NRG1: variants seen among roughly 807,000 people sequenced by gnomAD.
NRG1 encodes the protein pro-neuregulin-1, membrane-bound isoform.
Under a neutral mutation model 63.8 loss-of-function variants are expected in NRG1, and 18 were observed. That is an observed-to-expected ratio of 0.28 (90% CI 0.19 to 0.42). The LOEUF (loss-of-function observed/expected upper bound fraction) is 0.42, where lower values mean the gene tolerates loss of function less well. NRG1 is among the 10% of genes least tolerant of loss of function. The pLI is 1.00. For synonymous variants in NRG1, 302 were observed against 301.3 expected (o/e 1.00, Z -0.02); for missense variants, 762 against 814.7 (o/e 0.94, Z 0.79).
At chr8:32,498,585 C>T (rs1827494803) in intron 1 of NRG1, among the ~76,000 whole-genome samples, 1 of 96,216 alleles carries the variant, frequency 1.0e-5, no homozygotes, top group Admixed American at 1.0e-4. Flanking sequence ...AGGGTAACAG[C>T]CCCCATCGTT....
chr8:32,303,380 A>G (rs1343751631), intron 1 of NRG1, among the ~76,000 whole-genome samples: 1 of 152,126 alleles, frequency 6.6e-6, no homozygotes, highest in Non-Finnish European at 1.5e-5. Flanking sequence ...AAAAGAGTGC[A>G]TCTTAAAATG....
intron 5 of NRG1, among the ~76,000 whole-genome samples, chr8:32,725,927 A>C (rs1237079857): frequency 6.6e-6 from 1 of 152,182 alleles, no homozygotes; most frequent in African/African-American, 2.4e-5. Context: ...TTACAGACCA[A>C]ACAATGCAAA....
intron 1 of NRG1, among the ~76,000 whole-genome samples, chr8:32,076,575 G>A (rs1826595476): frequency 6.6e-6 from 1 of 152,116 alleles, no homozygotes. Context: ...TCGGAGGGTG[G>A]AAAGTGGGTG....
chr8:31,863,750 C>T (rs909933004), intron 1 of NRG1, among the ~76,000 whole-genome samples: 6 of 152,190 alleles, frequency 3.9e-5, no homozygotes, highest in African/African-American at 1.2e-4. Flanking sequence ...TTAGCTCTTA[C>T]ATCAAATCTT....
intron 1 of NRG1, among the ~76,000 whole-genome samples, chr8:32,251,727 GT>G (rs1285988771): frequency 6.6e-6 from 1 of 152,102 alleles, no homozygotes; most frequent in African/African-American, 2.4e-5. Flanking sequence ...GTTTCCTGAT[GT>G]TTTAATGATC....
At chr8:32,078,059 A>G (rs908751037) in intron 1 of NRG1, among the ~76,000 whole-genome samples, 2 of 152,208 alleles carry the variant, frequency 1.3e-5, no homozygotes, top group Non-Finnish European at 2.9e-5. Flanking sequence ...CATATGTACA[A>G]GAGAGAAAAA....
intron 5 of NRG1, among the ~76,000 whole-genome samples, chr8:32,653,129 T>TTTTG (rs199864736): frequency 5.8e-4 from 87 of 149,308 alleles, no homozygotes; most frequent in African/African-American, 2.1e-3. Context: ...TTTGGTTTTT[T>TTTTG]TTTGTTTGTT....
intron 2 of NRG1, among the ~76,000 whole-genome samples, chr8:32,605,091 A>C (rs151173867): frequency 5.9e-5 from 9 of 152,316 alleles, no homozygotes; most frequent in African/African-American, 2.2e-4. Flanking sequence ...TCTACTGAGA[A>C]GAAGAGTGCA....
chr8:32,280,381 C>T (rs778919559), intron 1 of NRG1, among the ~76,000 whole-genome samples: 2 of 152,202 alleles, frequency 1.3e-5, no homozygotes, highest in Non-Finnish European at 2.9e-5. Context: ...GTAGGAATTG[C>T]TTTACCTGAT....
chr8:31,941,626 T>C (rs1021156931), intron 1 of NRG1, among the ~76,000 whole-genome samples: 2 of 152,140 alleles, frequency 1.3e-5, no homozygotes, highest in African/African-American at 4.8e-5. Context: ...GATGATATGA[T>C]GGTATACCTA....
intron 3 of NRG1, among the ~76,000 whole-genome samples, chr8:32,608,107 G>GTTTTTTTT (rs1224928528): frequency 1.9e-5 from 2 of 104,798 alleles, no homozygotes; most frequent in Admixed American, 1.0e-4. Flanking sequence ...TTTTTTTTTT[G>GTTTTTTTT]TTTTTTTTTT....
intron 1 of NRG1, among the ~76,000 whole-genome samples, chr8:31,954,393 A>G (rs1382440345): frequency 6.6e-6 from 1 of 152,168 alleles, no homozygotes; most frequent in African/African-American, 2.4e-5. Flanking sequence ...ATAGTTTATG[A>G]TTTCTTAGGA....
chr8:32,699,469 G>T (rs1288172235), intron 5 of NRG1, among the ~76,000 whole-genome samples: 5 of 152,194 alleles, frequency 3.3e-5, no homozygotes, highest in Non-Finnish European at 7.3e-5. Flanking sequence ...TCCTAGAAAA[G>T]TCAATAGAGA....
intron 1 of NRG1, among the ~76,000 whole-genome samples, chr8:31,773,838 G>A (rs1818863042): frequency 6.6e-6 from 1 of 152,052 alleles, no homozygotes; most frequent in Non-Finnish European, 1.5e-5. Context: ...TTATGACACA[G>A]TATTTGTATA....
chr8:32,298,415 T>C (rs114484878), intron 1 of NRG1, among the ~76,000 whole-genome samples: 2,244 of 152,304 alleles, frequency 0.015, 49 homozygotes, highest in African/African-American at 0.051. Context: ...CAAACTACAC[T>C]TATCCAGTCT....
intron 1 of NRG1, among the ~76,000 whole-genome samples, chr8:31,975,407 GTT>G (rs1316866874): frequency 6.6e-6 from 1 of 152,112 alleles, no homozygotes; most frequent in East Asian, 1.9e-4. Context: ...TGATGAGTTA[GTT>G]TTTAAAGGAG....
At chr8:32,563,404 C>T (rs1836824879) in intron 1 of NRG1, among the ~76,000 whole-genome samples, 3 of 152,316 alleles carry the variant, frequency 2.0e-5, no homozygotes, top group Middle Eastern at 3.4e-3. Context: ...TCTTAGTGAA[C>T]ACCTAGAAGA....
chr8:32,173,269 C>T (rs961692022), intron 1 of NRG1, among the ~76,000 whole-genome samples: 5 of 151,946 alleles, frequency 3.3e-5, no homozygotes, highest in African/African-American at 7.3e-5. Flanking sequence ...GAAATAAAAT[C>T]CTTTACAGAC....
At chr8:32,164,345 A>G (rs1051879928) in intron 1 of NRG1, among the ~76,000 whole-genome samples, 2 of 152,142 alleles carry the variant, frequency 1.3e-5, no homozygotes, top group Non-Finnish European at 2.9e-5. Context: ...TATATTCTGA[A>G]ACTCCTTAGA....
Sources: gnomAD v4.1 joint callset for allele counts (sites outside exome capture counted in the v4.1 genomes callset) on GRCh38, gnomAD v4.1.1 for gene constraint, MANE v1.5 for transcripts, NCBI Gene and HGNC (gene_info 2026-07-23, HGNC 2026-07-21) for gene names.